Variants in SHANK2 observed in about 807,000 individuals in gnomAD.
SHANK2 encodes SH3 and multiple ankyrin repeat domains 2.
Under a neutral mutation model 133.7 loss-of-function variants are expected in SHANK2, and 43 were observed. That is an observed-to-expected ratio of 0.32 (90% CI 0.25 to 0.41). The LOEUF is 0.41. Ranked by LOEUF, SHANK2 falls within the 10% of genes least tolerant of loss-of-function variation. The probability of loss-of-function intolerance (pLI) is 1.00; values close to 1 mark genes in which losing one functional copy is unlikely to be tolerated. For synonymous variants in SHANK2, 1,017 were observed against 952.8 expected, an observed-to-expected ratio of 1.07 and a Z score of -1.24; for missense variants, 1,994 against 2,235.8, an observed-to-expected ratio of 0.89 and a Z score of 2.18.
chr11:71,223,843 A>G (rs1954597647), intron 2 of SHANK2, among the ~76,000 whole-genome samples: 1 of 152,212 alleles, frequency 6.6e-6, no homozygotes, highest in African/African-American at 2.4e-5. Context: ...AAGCGCCTGC[A>G]CCACTCATCT....
rs2058809635 is a variant in SHANK2, at chr11:70,486,596, C to T, written c.3697G>A (p.Gly1233Arg). Residue 1233 changes from glycine (G) to arginine (R), a missense_variant, in exon 25 of 26, where the codon GGA becomes AGA. This residue lies in a region of SHANK2 where 797 missense variants were observed against 907.4 expected (regional missense o/e 0.88). Coordinates refer to ENST00000601538, the MANE Select transcript of SHANK2 (RefSeq NM_012309.5). The surrounding 1 kb of genome is among the most constrained non-coding windows in gnomAD (Gnocchi z 8.0). ...RDRAMKESQQ[G>R]PKGEAPKADL... ...GCCTTGGGGGCCTCCCCTTTGGGTCCCTGTTGAGACTCCTTCATGGCTCGG... is the reference window on the plus strand; with the variant it reads ...GCCTTGGGGGCCTCCCCTTTGGGTCTCTGTTGAGACTCCTTCATGGCTCGG... 2.5e-6 allele frequency: 4 copies of T among 1,613,892 alleles called. No individual in the cohort carries two copies. The highest frequency in any genetic ancestry group is 3.4e-6 in the Non-Finnish European group (4 of 1,180,026).
intron 6 of SHANK2, among the ~76,000 whole-genome samples, chr11:71,105,590 TAA>T (rs60654256): frequency 0.018 from 1,432 of 77,896 alleles, 10 homozygotes; most frequent in Non-Finnish European, 0.023. Context: ...AGACTCAGTC[TAA>T]AAAAAAAAAA....
chr11:70,819,169 C>T (rs1484716895), intron 12 of SHANK2, among the ~76,000 whole-genome samples: 1 of 152,264 alleles, frequency 6.6e-6, no homozygotes, highest in Non-Finnish European at 1.5e-5. Flanking sequence ...ATGGCAACGG[C>T]CGGGGAAGCA....
chr11:70,480,007 A>C (rs2058712292), intron 25 of SHANK2, among the ~76,000 whole-genome samples: 1 of 152,054 alleles, frequency 6.6e-6, no homozygotes, highest in African/African-American at 2.4e-5. Flanking sequence ...CAGTGCATTC[A>C]CCTGATCACA....
chr11:70,693,609 T>C (rs1279997667), intron 15 of SHANK2, among the ~76,000 whole-genome samples: 2 of 152,350 alleles, frequency 1.3e-5, no homozygotes, highest in East Asian at 1.9e-4. Context: ...GTTAACTTTA[T>C]TGTGTACCTT....
In SHANK2 at chr11:70,490,183, G is replaced by A. The variant is rs191105676; in HGVS notation, c.2551+93C>T. On this transcript the variant is annotated intron_variant, in intron 23 of 25. Coordinates refer to ENST00000601538, the MANE Select transcript of SHANK2 (RefSeq NM_012309.5). ...GCTGGGGTGGGACGCCAAGGCAACT[G>A]TGAGAGGCCCAGGGCTCAGAATTCC... 507 of 1,118,542 alleles carry A rather than the reference G, an allele frequency of 4.5e-4. 6 individuals are homozygous for A. The East Asian group carries it at 9.7e-3, about 21-fold the overall frequency. 69.3% of individuals were successfully genotyped at this position (1,118,542 alleles called of 1,614,324 possible). A position where few individuals can be genotyped will look rare whatever the true frequency, so the allele number is the denominator to read the frequency against.
At chr11:70,756,456 C>A (rs997426592) in intron 14 of SHANK2, among the ~76,000 whole-genome samples, 3 of 152,164 alleles carry the variant, frequency 2.0e-5, no homozygotes, top group African/African-American at 7.2e-5. Flanking sequence ...GAAGCCCCCA[C>A]GCTGCCTGGC....
intron 2 of SHANK2, among the ~76,000 whole-genome samples, chr11:71,222,544 G>A (rs1555121386): frequency 6.6e-6 from 1 of 152,222 alleles, no homozygotes; most frequent in Admixed American, 6.5e-5. Context: ...CCGGACGCAG[G>A]CGCCTTCCAA....
chr11:70,497,049 C>A (rs2058981445), intron 21 of SHANK2: 1 of 456,464 alleles, frequency 2.2e-6, no homozygotes, highest in South Asian at 1.5e-5. Flanking sequence ...GTGAGAGCAG[C>A]CGGGCGTGTT....
At position 70,804,257 on chromosome 11, in the gene SHANK2, C is replaced by G. The variant is rs1011643524; in HGVS notation, c.1663+2745G>C. Among the ~76,000 whole-genome samples the G allele has an allele frequency of 6.6e-6, 1 of 152,134 alleles. No individual in the cohort carries two copies. The highest frequency in any genetic ancestry group is 1.5e-5 in the Non-Finnish European group (1 of 67,986). On this transcript the variant is annotated intron_variant, in intron 13 of 25. Transcript: ENST00000601538. The surrounding 1 kb of genome is among the most constrained non-coding windows in gnomAD (Gnocchi z 4.1). ...CTGCAGGCAGTGGATCGGCTCGACC[C>G]GCCCGCCTCTAAGCACTGCCATGCA...
intron 10 of SHANK2, among the ~76,000 whole-genome samples, chr11:70,922,526 C>A (rs1167965141): frequency 2.0e-5 from 3 of 152,084 alleles, no homozygotes; most frequent in Non-Finnish European, 4.4e-5. Context: ...TACAATCACA[C>A]CGACAGCAGT....
chr11:71,231,619 G>A (rs559427993), intron 1 of SHANK2, among the ~76,000 whole-genome samples: 1 of 152,280 alleles, frequency 6.6e-6, no homozygotes, highest in South Asian at 2.1e-4. Context: ...CAGGTGCAGT[G>A]GCTCACACCT....
At chr11:71,229,765 G>GAAAAAAAAAAAAAAAAAAAAAAAA (rs55730780) in intron 1 of SHANK2, among the ~76,000 whole-genome samples, 3 of 116,532 alleles carry the variant, frequency 2.6e-5, no homozygotes, top group East Asian at 2.4e-4. Flanking sequence ...TCTCAAAAAA[G>GAAAAAAAAAAAAAAAAAAAAAAAA]AAAAAAAAAA....
In SHANK2 at chr11:70,952,761, T is replaced by A. The variant is rs1555086949; in HGVS notation, c.1108-56194A>T. ...CTGGCTTCGTGTGTCCGGGGGGGCC[T>A]GAGCAGCAGAAGTGTGGGAACTGAC... On this transcript the variant is annotated intron_variant, in intron 10 of 25. Coordinates refer to ENST00000601538, the MANE Select transcript of SHANK2 (RefSeq NM_012309.5). 8 of 420,204 alleles carry A rather than the reference T, an allele frequency of 1.9e-5. 1 individual carries two copies. The highest frequency in any genetic ancestry group is 1.3e-4 in the South Asian group (8 of 59,682). 26.0% of individuals were successfully genotyped at this position (420,204 alleles called of 1,614,324 possible). A position where few individuals can be genotyped will look rare whatever the true frequency, so the allele number is the denominator to read the frequency against.
chr11:70,655,938 C>G (rs76084973), intron 17 of SHANK2, among the ~76,000 whole-genome samples: 2 of 152,248 alleles, frequency 1.3e-5, no homozygotes, highest in Non-Finnish European at 2.9e-5. Context: ...GGGCTGGAGA[C>G]GAGGTTTCTA....
chr11:71,094,082 C>A (rs1406704845), intron 7 of SHANK2, among the ~76,000 whole-genome samples: 4 of 152,000 alleles, frequency 2.6e-5, no homozygotes, highest in Non-Finnish European at 4.4e-5. Flanking sequence ...GCTCTGTGTC[C>A]CCTCCCAAAT....
chr11:71,242,280 A>G (rs891750088), intron 1 of SHANK2, among the ~76,000 whole-genome samples: 1 of 152,214 alleles, frequency 6.6e-6, no homozygotes, highest in Non-Finnish European at 1.5e-5. Context: ...CAGTTCTGCA[A>G]GCTGAAGAGT....
intron 17 of SHANK2, among the ~76,000 whole-genome samples, chr11:70,552,889 A>G (rs529358904): frequency 6.6e-6 from 1 of 152,130 alleles, no homozygotes; most frequent in Non-Finnish European, 1.5e-5. Flanking sequence ...AGGGCAGCCT[A>G]AACCACAGAC....
At chr11:70,672,565 C>T (rs1354082528) in intron 15 of SHANK2, among the ~76,000 whole-genome samples, 6 of 152,246 alleles carry the variant, frequency 3.9e-5, no homozygotes, top group South Asian at 2.1e-4. Context: ...CAGGTCTCCC[C>T]GAGCCAGGCT....
Sources: gnomAD v4.1 joint callset for allele counts (sites outside exome capture counted in the v4.1 genomes callset) on GRCh38, gnomAD v4.1.1 for gene constraint, gnomAD v4.1.1 regional missense constraint, Gnocchi (gnomAD v3.1) non-coding constraint, MANE v1.5 for transcripts, NCBI Gene and HGNC (gene_info 2026-07-23, HGNC 2026-07-21) for gene names.